The following E2F8 variants were observed in gnomAD, a reference collection of about 807,000 sequenced individuals.
The protein encoded by E2F8 is E2F transcription factor 8.
A neutral mutation model predicts 80.8 loss-of-function variants in E2F8; 35 were observed. That is an observed-to-expected ratio of 0.43 (90% CI 0.33 to 0.57). E2F8 has a LOEUF of 0.57. Ranked by LOEUF, E2F8 falls within the 20% of genes least tolerant of loss-of-function variation. The pLI is 0.04. For missense variants in E2F8, 975 were observed against 1,056.2 expected, an observed-to-expected ratio of 0.92 and a Z score of 1.07; for synonymous variants, 386 against 395.0, an observed-to-expected ratio of 0.98 and a Z score of 0.27.
intron 3 of E2F8, 99 bp from the exon 4 acceptor site, chr11:19,237,569 C>A: frequency 7.7e-7 from 1 of 1,290,842 alleles, no homozygotes; most frequent in Non-Finnish European, 1.1e-6. Context: ...CTTACACACG[C>A]TTAGCTTCAA....
chr11:19,230,407 A>G (rs1337844755), intron 8 of E2F8, 79 bp from the exon 9 acceptor site: 3 of 1,434,340 alleles, frequency 2.1e-6, no homozygotes, highest in Non-Finnish European at 1.9e-6. Context: ...CACTGAAGTC[A>G]GAGGAACAGA....
chr11:19,228,669 G>C (rs1851295664), intron 10 of E2F8, among the ~76,000 whole-genome samples: 1 of 152,238 alleles, frequency 6.6e-6, no homozygotes, highest in Non-Finnish European at 1.5e-5. Flanking sequence ...CTTGTATTAA[G>C]AGCAGGGGCA....
At position 19,225,513 on chromosome 11, in the gene E2F8, A is replaced by G. The variant is rs758600268; in HGVS notation, c.2129T>C (p.Val710Ala). The change falls in exon 12 of 13, where the codon GTA becomes GCA. Residue 710 changes from valine to alanine, a missense_variant. Val to Ala is a moderately conservative substitution (Grantham distance 64, BLOSUM62 0). Coordinates refer to ENST00000250024, the MANE Select transcript of E2F8 (RefSeq NM_024680.4). ...GAGAGCCGGGCTGTTCCCGACAGGT[A>G]CGGCTGCCACGGAAGTTGGTGAGAC... The part of the protein sequence containing the change: ...LMVSPTSVAA[V>A]PVGNSPALAS... The G allele has an allele frequency of 5.6e-6, 9 of 1,614,054 alleles. No individual in the cohort carries two copies. Among genetic ancestry groups the G allele is most frequent in the Admixed American group, 3.3e-5 (2 of 60,012 alleles).
intron 10 of E2F8, 117 bp from the exon 11 acceptor site, chr11:19,225,981 G>T: frequency 8.0e-7 from 1 of 1,242,346 alleles, no homozygotes; most frequent in Non-Finnish European, 1.1e-6. Flanking sequence ...AAAGCCTCCA[G>T]CGGAGTGGGC....
chr11:19,229,874 G>A lies in E2F8; in HGVS notation c.1473C>T (p.Ile491=). The part of the protein sequence containing the change: ...AEMELTAPSL[I]QPLGMVPLIP... ...TCAGGGGAACCATTCCCAGGGGCTGGATGAGGGACGGTGCTGTCAGCTCCA... is the reference window on the plus strand; with the variant it reads ...TCAGGGGAACCATTCCCAGGGGCTGAATGAGGGACGGTGCTGTCAGCTCCA... Residue 491 remains isoleucine (I), a synonymous_variant, in exon 10 of 13, where the codon ATC becomes ATT. Transcript: ENST00000250024. The surrounding 1 kb of genome is among the most constrained non-coding windows in gnomAD (Gnocchi z 4.3). 6.2e-7 allele frequency: 1 copy of A among 1,614,068 alleles called. No homozygotes were observed. The highest frequency in any genetic ancestry group is 2.2e-5 in the East Asian group (1 of 44,882).
chr11:19,235,654 C>T (rs1851498412), intron 4 of E2F8, among the ~76,000 whole-genome samples: 1 of 80,276 alleles, frequency 1.2e-5, no homozygotes, highest in Non-Finnish European at 2.7e-5. Context: ...GTCTCAAAAA[C>T]AAACAAACAA....
chr11:19,236,594 A>C (rs1851525150), intron 4 of E2F8, among the ~76,000 whole-genome samples: 1 of 152,266 alleles, frequency 6.6e-6, no homozygotes, highest in Admixed American at 6.5e-5. Context: ...AGATGAATCT[A>C]AACGGTATAT....
chr11:19,238,365 C>T (rs1851578377), intron 2 of E2F8, among the ~76,000 whole-genome samples: 1 of 152,110 alleles, frequency 6.6e-6, no homozygotes, highest in Non-Finnish European at 1.5e-5. Context: ...ATGTTTTCAC[C>T]TTATGTTTCA....
Position 19,224,728 on chromosome 11 carries a change from T to A in E2F8, c.2534A>T (p.Asn845Ile). 1 of 1,614,212 alleles carries A rather than the reference T, an allele frequency of 6.2e-7. No homozygotes were observed. The highest frequency in any genetic ancestry group is 1.3e-5 in the African/African-American group (1 of 75,046). Residue 845 changes from asparagine (N) to isoleucine (I), a missense_variant, in exon 13 of 13, where the codon AAT becomes ATT. Coordinates refer to ENST00000250024, the MANE Select transcript of E2F8 (RefSeq NM_024680.4). ...SSSCMDFEGA[N>I]KTSLGTLFVP... ...AAAGAGAGTTCCTAAGGAGGTTTTA[T>A]TAGCACCCTCAAAATCCATGCAGGA... is the stretch of plus-strand genomic sequence containing the variant.
At position 19,230,844 on chromosome 11, in the gene E2F8, A is replaced by G. The variant is rs774767215; in HGVS notation, c.1067-10T>C. On this transcript the variant is annotated splice_polypyrimidine_tract_variant and intron_variant, in intron 7 of 12. Coordinates refer to ENST00000250024, the MANE Select transcript of E2F8 (RefSeq NM_024680.4). ...ATGACTGGGCTGGAGCCTGAAACAGAAAACGTCTGTGTATTAAAACCTGGA... is the reference window on the plus strand; with the variant it reads ...ATGACTGGGCTGGAGCCTGAAACAGGAAACGTCTGTGTATTAAAACCTGGA... 1 of 1,613,720 alleles carries G rather than the reference A, an allele frequency of 6.2e-7. No individual in the cohort carries two copies. The highest frequency in any genetic ancestry group is 1.1e-5 in the South Asian group (1 of 91,026).
intron 6 of E2F8, 144 bp downstream of exon 6, chr11:19,234,216 A>G (rs1441255610): frequency 1.2e-6 from 1 of 843,336 alleles, no homozygotes; most frequent in South Asian, 2.2e-5. Flanking sequence ...CAATATTATC[A>G]TGGCTTCTGG....
chr11:19,238,079 T>C lies in E2F8; in HGVS notation c.69A>G (p.Lys23=). 1 of 1,614,226 alleles carries C rather than the reference T, an allele frequency of 6.2e-7. No individual in the cohort carries two copies. Among genetic ancestry groups the C allele is most frequent in the Non-Finnish European group, 8.5e-7 (1 of 1,180,038 alleles). Residue 23 remains lysine, a synonymous_variant, in exon 3 of 13, where the codon AAA becomes AAG. Transcript: ENST00000250024. ...ACACGATATTTGCTGTGGTGGATTC[T>C]TTCAGAGGTGTTTTCATTAGTCCCC... ...HKRGLMKTPL[K]ESTTANIVLA... is the part of the protein sequence containing the mutation.
rs1437178387 is a variant in E2F8, at chr11:19,224,219, C to CTAT, written c.*436_*438dup. 1 of 152,960 alleles carries CTAT rather than the reference C, an allele frequency of 6.5e-6. No individual in the cohort carries two copies. Among genetic ancestry groups the CTAT allele is most frequent in the African/African-American group, 2.4e-5 (1 of 41,438 alleles). 9.5% of individuals were successfully genotyped at this position (152,960 alleles called of 1,614,324 possible). ...AATTACAAAAAATATAGCTATACCC[C>CTAT]TATTTAAAAATACAACATTATACAT... On this transcript the variant is annotated 3_prime_UTR_variant, in exon 13 of 13. Coordinates refer to ENST00000250024, the MANE Select transcript of E2F8 (RefSeq NM_024680.4).
At chr11:19,235,686 A>G (rs1350137946) in intron 4 of E2F8, among the ~76,000 whole-genome samples, 3 of 152,112 alleles carry the variant, frequency 2.0e-5, no homozygotes, top group Non-Finnish European at 4.4e-5. Flanking sequence ...AAACGATGAG[A>G]AAACAGAGGC....
In E2F8 at chr11:19,230,258, C is replaced by T; in HGVS notation, c.1341G>A (p.Gln447=). The T allele has an allele frequency of 6.2e-7, 1 of 1,613,678 alleles. No homozygotes were observed. Among genetic ancestry groups the T allele is most frequent in the South Asian group, 1.1e-5 (1 of 90,892 alleles). The change falls in exon 9 of 13, where the codon CAG becomes CAA. Residue 447 remains glutamine (Q), a synonymous_variant. Transcript: ENST00000250024. ...CAACCTACCTTGATTGCTCTTCTAACTGCATTTTACAAATAGCTGCGAGCT... is the reference window on the plus strand; with the variant it reads ...CAACCTACCTTGATTGCTCTTCTAATTGCATTTTACAAATAGCTGCGAGCT... ...MAQLAAICKM[Q]LEEQSSESRQ... is the part of the protein sequence containing the mutation.
intron 6 of E2F8, among the ~76,000 whole-genome samples, chr11:19,232,971 A>C (rs935778993): frequency 6.6e-6 from 1 of 152,192 alleles, no homozygotes. Context: ...ACAAATTACA[A>C]ATCGAGTCTC....
At chr11:19,232,162 C>A in intron 7 of E2F8, 72 bp downstream of exon 7, 2 of 1,579,538 alleles carry the variant, frequency 1.3e-6, no homozygotes, top group South Asian at 1.2e-5. Flanking sequence ...GAACAACACA[C>A]ACTGGAAATT....
At chr11:19,232,113 T>A (rs1320750663) in intron 7 of E2F8, 121 bp downstream of exon 7, 1 of 1,370,804 alleles carries the variant, frequency 7.3e-7, no homozygotes, top group Non-Finnish European at 9.9e-7. Flanking sequence ...CACTCGTAAG[T>A]GGGAGTTGAA....
At chr11:19,233,588 C>T (rs768292980) in intron 6 of E2F8, among the ~76,000 whole-genome samples, 8 of 151,876 alleles carry the variant, frequency 5.3e-5, no homozygotes, top group Non-Finnish European at 1.2e-4. Context: ...CCCAGGTTCA[C>T]GCCATTCTCC....
Sources: gnomAD v4.1 joint callset for allele counts (sites outside exome capture counted in the v4.1 genomes callset) on GRCh38, gnomAD v4.1.1 for gene constraint, Gnocchi (gnomAD v3.1) non-coding constraint, MANE v1.5 for transcripts, NCBI Gene and HGNC (gene_info 2026-07-23, HGNC 2026-07-21) for gene names.